The following BRINP2 variants were observed in gnomAD, a reference collection of about 807,000 sequenced individuals.
BRINP2 encodes BMP/retinoic acid inducible neural specific 2.
Under a neutral mutation model 69.2 loss-of-function variants are expected in BRINP2, and 21 were observed. The ratio of observed to expected loss-of-function variants is 0.30; its 90% CI spans 0.22 to 0.44. BRINP2 has a LOEUF of 0.44. Among genes scored for constraint, BRINP2 ranks in the 20% least tolerant of loss-of-function variants. The pLI is 1.00. For synonymous variants in BRINP2, 380 were observed against 394.1 expected (o/e 0.96, Z 0.42); for missense variants, 877 against 986.0 (o/e 0.89, Z 1.48).
chr1:177,260,708 A>T (rs147648624), intron 4 of BRINP2, among the ~76,000 whole-genome samples: 452 of 152,332 alleles, frequency 3.0e-3, no homozygotes, highest in African/African-American at 0.01. Context: ...GGCTCAGATG[A>T]TCATTAGCAT....
At chr1:177,229,085 A>G (rs1236339395) in intron 1 of BRINP2, among the ~76,000 whole-genome samples, 1 of 152,220 alleles carries the variant, frequency 6.6e-6, no homozygotes, top group East Asian at 1.9e-4. Flanking sequence ...CCTTGAGAGC[A>G]TGATCCACTC....
At chr1:177,233,445 A>T (rs2102327740) in intron 2 of BRINP2, among the ~76,000 whole-genome samples, 1 of 152,366 alleles carries the variant, frequency 6.6e-6, no homozygotes, top group South Asian at 2.1e-4. Flanking sequence ...GATAGTGCTT[A>T]ATAAATACTG....
intron 1 of BRINP2, among the ~76,000 whole-genome samples, chr1:177,199,289 C>G (rs895090068): frequency 9.9e-5 from 15 of 152,164 alleles, no homozygotes; most frequent in African/African-American, 3.4e-4. Context: ...TGGTTTCCAA[C>G]TTTGGCCGCA....
intron 2 of BRINP2, among the ~76,000 whole-genome samples, chr1:177,243,641 C>A (rs1650280243): frequency 6.6e-6 from 1 of 152,156 alleles, no homozygotes; most frequent in South Asian, 2.1e-4. Context: ...TGGATAGATA[C>A]AATCAAGACA....
intron 1 of BRINP2, among the ~76,000 whole-genome samples, chr1:177,183,753 AC>A (rs1227480172): frequency 6.6e-6 from 1 of 152,142 alleles, no homozygotes; most frequent in Non-Finnish European, 1.5e-5. Context: ...TATTAAACTT[AC>A]CCTGGTCATT....
At chr1:177,228,160 C>A (rs1649757633) in intron 1 of BRINP2, among the ~76,000 whole-genome samples, 1 of 152,174 alleles carries the variant, frequency 6.6e-6, no homozygotes, top group African/African-American at 2.4e-5. Flanking sequence ...ACTATGGTAA[C>A]TTCTAAGAGC....
At chr1:177,181,778 C>T (rs541875311) in intron 1 of BRINP2, among the ~76,000 whole-genome samples, 2 of 152,276 alleles carry the variant, frequency 1.3e-5, no homozygotes, top group South Asian at 2.1e-4. Flanking sequence ...TCTGAAATCT[C>T]CGACCTTTCG....
rs745578899 is a variant in BRINP2 at position 177,278,801 on chromosome 1, C to A, written c.1235+16C>A. On this transcript the variant is annotated intron_variant, in intron 7 of 7. Transcript: ENST00000361539. ...CCAAGGAGAGGTGAGCACCCCCTGG[C>A]TGCTACAGCCAGAGCTCAGCACCTC... The A allele has an allele frequency of 6.2e-7, 1 of 1,612,136 alleles. No homozygotes were observed.
At chr1:177,215,858 C>A (rs1293924440) in intron 1 of BRINP2, among the ~76,000 whole-genome samples, 1 of 152,080 alleles carries the variant, frequency 6.6e-6, no homozygotes, top group Admixed American at 6.6e-5. Flanking sequence ...GTTATATCCT[C>A]TTAATGAATT....
At chr1:177,234,294 G>T (rs1430654270) in intron 2 of BRINP2, among the ~76,000 whole-genome samples, 1 of 152,178 alleles carries the variant, frequency 6.6e-6, no homozygotes, top group Non-Finnish European at 1.5e-5. Flanking sequence ...GCCAGAAATA[G>T]CACTCAGGGC....
intron 2 of BRINP2, among the ~76,000 whole-genome samples, chr1:177,233,834 G>A (rs1456060195): frequency 6.6e-6 from 1 of 152,172 alleles, no homozygotes. Context: ...GTCCTCCAGT[G>A]GCCGGTGACT....
chr1:177,176,186 T>C (rs921910770), intron 1 of BRINP2, among the ~76,000 whole-genome samples: 3 of 152,122 alleles, frequency 2.0e-5, no homozygotes, highest in Admixed American at 1.3e-4. Context: ...GAATTCTGGA[T>C]TGGGCAAAGG....
intron 2 of BRINP2, among the ~76,000 whole-genome samples, chr1:177,248,064 C>G (rs1650442328): frequency 6.6e-6 from 1 of 152,064 alleles, no homozygotes; most frequent in East Asian, 1.9e-4. Context: ...GCTTCCCCCG[C>G]AGAGGTAGAA....
chr1:177,187,234 CT>C (rs772387143), intron 1 of BRINP2, among the ~76,000 whole-genome samples: 27 of 151,778 alleles, frequency 1.8e-4, no homozygotes, highest in African/African-American at 6.3e-4. Context: ...TTGTGCCCCC[CT>C]AACCCTCACC....
chr1:177,273,458 A>G, intron 4 of BRINP2, 30 bp from the exon 5 acceptor site: 3 of 1,503,130 alleles, frequency 2.0e-6, no homozygotes, highest in East Asian at 4.6e-5. Context: ...CTTGTTATCT[A>G]AACCCACTCC....
chr1:177,264,988 C>T (rs1293722264), intron 4 of BRINP2, among the ~76,000 whole-genome samples: 2 of 152,116 alleles, frequency 1.3e-5, no homozygotes, highest in Middle Eastern at 3.2e-3. Context: ...ATAGAGCCCG[C>T]GTAGCCAAGA....
intron 7 of BRINP2, among the ~76,000 whole-genome samples, chr1:177,279,212 T>C (rs1256162692): frequency 6.6e-6 from 1 of 152,210 alleles, no homozygotes; most frequent in Non-Finnish European, 1.5e-5. Flanking sequence ...CCCTCAGGGA[T>C]ACAGTGGGGC....
At chr1:177,235,397 A>C (rs1649988352) in intron 2 of BRINP2, among the ~76,000 whole-genome samples, 1 of 152,178 alleles carries the variant, frequency 6.6e-6, no homozygotes, top group South Asian at 2.1e-4. Flanking sequence ...AAATAAAATA[A>C]AATAGGAATC....
intron 1 of BRINP2, among the ~76,000 whole-genome samples, chr1:177,172,661 T>C (rs1400918349): frequency 6.6e-6 from 1 of 152,196 alleles, no homozygotes; most frequent in African/African-American, 2.4e-5. Context: ...CCAGGGTATA[T>C]AGACCTAAGC....
Sources: gnomAD v4.1 joint callset for allele counts (sites outside exome capture counted in the v4.1 genomes callset) on GRCh38, gnomAD v4.1.1 for gene constraint, MANE v1.5 for transcripts, NCBI Gene and HGNC (gene_info 2026-07-23, HGNC 2026-07-21) for gene names.